The following LRRC39 variants were observed in gnomAD, a reference collection of about 807,000 sequenced individuals.
LRRC39 encodes leucine rich repeat containing 39.
Under a neutral mutation model 39.7 loss-of-function variants are expected in LRRC39, and 35 were observed. That is an observed-to-expected ratio of 0.88 (90% CI 0.67 to 1.17). LRRC39 has a LOEUF of 1.17. Ranked by LOEUF, LRRC39 falls within the 50% of genes most tolerant of loss-of-function variation. The pLI is 0.00. For missense variants in LRRC39, 357 were observed against 385.8 expected, an observed-to-expected ratio of 0.93 and a Z score of 0.62; for synonymous variants, 113 against 134.1, an observed-to-expected ratio of 0.84 and a Z score of 1.09.
intron 9 of LRRC39, chr1:100,150,530 A>G (rs192485148): frequency 6.6e-6 from 1 of 152,214 alleles, no homozygotes; most frequent in African/African-American, 2.4e-5. Context: ...AAATATACAT[A>G]CACACCCAAG....
intron 8 of LRRC39, among the ~76,000 whole-genome samples, chr1:100,154,370 G>A (rs897737830): frequency 6.6e-6 from 1 of 152,036 alleles, no homozygotes; most frequent in Non-Finnish European, 1.5e-5. Context: ...AAACAAGATA[G>A]AAAAATACAC....
At chr1:100,153,543 A>G (rs1187281213) in intron 8 of LRRC39, among the ~76,000 whole-genome samples, 1 of 152,230 alleles carries the variant, frequency 6.6e-6, no homozygotes, top group African/African-American at 2.4e-5. Context: ...TATGTAAATT[A>G]TACATCTGAC....
At chr1:100,152,619 C>T (rs1163900489) in intron 8 of LRRC39, 95 bp from the exon 9 acceptor site, 2 of 1,327,686 alleles carry the variant, frequency 1.5e-6, no homozygotes, top group Non-Finnish European at 2.1e-6. Flanking sequence ...TACTAAATTA[C>T]TCGTTTTTAA....
At chr1:100,177,419 C>T (rs1660038587) in intron 1 of LRRC39, among the ~76,000 whole-genome samples, 2 of 152,082 alleles carry the variant, frequency 1.3e-5, no homozygotes, top group African/African-American at 4.8e-5. Context: ...TTTAAAATTT[C>T]AAGATTGATA....
chr1:100,159,501 C>T (rs1658712404), intron 4 of LRRC39, 86 bp from the exon 5 acceptor site: 6 of 1,101,538 alleles, frequency 5.4e-6, no homozygotes, highest in Non-Finnish European at 7.3e-6. Context: ...TTGACTTATA[C>T]AAGCACTTTG....
chr1:100,179,610 A>G (rs1009197048), upstream of LRRC39, among the ~76,000 whole-genome samples: 9 of 150,730 alleles, frequency 6.0e-5, no homozygotes, highest in African/African-American at 2.2e-4. Flanking sequence ...AGTGGTGTGT[A>G]TATGTAGTCT....
At chr1:100,168,723 T>A (rs1446582651) in intron 2 of LRRC39, 129 bp from the exon 3 acceptor site, 13 of 449,764 alleles carry the variant, frequency 2.9e-5, no homozygotes, top group Non-Finnish European at 4.6e-5. Context: ...ACATGCCATA[T>A]CATATTTAAA....
intron 3 of LRRC39, among the ~76,000 whole-genome samples, chr1:100,166,398 C>T (rs567448532): frequency 2.3e-4 from 35 of 152,104 alleles, no homozygotes; most frequent in Non-Finnish European, 4.6e-4. Flanking sequence ...GAGACTTGTT[C>T]AATGGCTTTG....
At chr1:100,177,448 G>A (rs979852178) in intron 1 of LRRC39, among the ~76,000 whole-genome samples, 8 of 152,168 alleles carry the variant, frequency 5.3e-5, no homozygotes, top group Non-Finnish European at 1.0e-4. Context: ...GCATAGGCAG[G>A]AAATTGTTGA....
At chr1:100,150,861 C>T (rs1277946569) in intron 9 of LRRC39, among the ~76,000 whole-genome samples, 1 of 152,140 alleles carries the variant, frequency 6.6e-6, no homozygotes, top group East Asian at 1.9e-4. Context: ...GGTGTGGTGG[C>T]TTACACCTGT....
intron 2 of LRRC39, among the ~76,000 whole-genome samples, chr1:100,173,054 A>T (rs1659736036): frequency 6.6e-6 from 1 of 151,580 alleles, no homozygotes; most frequent in Non-Finnish European, 1.5e-5. Context: ...TCCAAAAAAA[A>T]TAAAAATAAA....
chr1:100,173,476 T>C (rs1453393518), intron 1 of LRRC39, 106 bp from the exon 2 acceptor site: 1 of 152,132 alleles, frequency 6.6e-6, no homozygotes, highest in Non-Finnish European at 1.5e-5. Context: ...AGAAGATAAT[T>C]TATTTAACCT....
intron 7 of LRRC39, among the ~76,000 whole-genome samples, chr1:100,155,669 T>C (rs1016035834): frequency 6.6e-6 from 1 of 152,210 alleles, no homozygotes; most frequent in African/African-American, 2.4e-5. Flanking sequence ...AATAAAATGA[T>C]GAATATGCCC....
rs187462520 is a variant in LRRC39 at position 100,174,943 on chromosome 1, T to C, written c.-118-1573A>G. ...GATCCCTCATGGCGTGGTGCTGTCCTTGAAACAGTGAGTTCTTGGGAGATC... is the reference window on the plus strand; with the variant it reads ...GATCCCTCATGGCGTGGTGCTGTCCCTGAAACAGTGAGTTCTTGGGAGATC... On this transcript the variant is annotated intron_variant, in intron 1 of 9. Transcript: ENST00000370137. Among the ~76,000 whole-genome samples the C allele has an allele frequency of 5.3e-3, 810 of 152,314 alleles. 11 individuals are homozygous for C. Among genetic ancestry groups the C allele is most frequent in the African/African-American group, 0.018 (759 of 41,566 alleles).
At chr1:100,156,361 T>C in intron 6 of LRRC39, 44 bp from the exon 7 acceptor site, 1 of 1,553,954 alleles carries the variant, frequency 6.4e-7, no homozygotes, top group Non-Finnish European at 8.8e-7. Context: ...GTCCACAATG[T>C]AAACTACTAA....
At chr1:100,165,535 AAACT>A (rs1659180999) in intron 3 of LRRC39, among the ~76,000 whole-genome samples, 1 of 152,152 alleles carries the variant, frequency 6.6e-6, no homozygotes, top group Non-Finnish European at 1.5e-5. Flanking sequence ...CACTTACTAA[AAACT>A]AAGTGGGAAA....
chr1:100,152,491 C>A lies in LRRC39; in HGVS notation c.846G>T (p.Leu282Phe), dbSNP rs1658123692. Residue 282 changes from leucine (L) to phenylalanine (F), a missense_variant, in exon 9 of 10, where the codon TTG becomes TTT. Coordinates refer to ENST00000370137, the MANE Select transcript of LRRC39 (RefSeq NM_144620.4). ...FVNFRDNPLK[L>F]KVSLPPSEGT... ...CTTCACTGGGAGGAAGTGATACTTT[C>A]AATTTCAGTGGGTTGTCTCTGAAGT... is the stretch of plus-strand genomic sequence containing the variant. The A allele has an allele frequency of 3.7e-6, 6 of 1,613,970 alleles. No homozygotes were observed. The highest frequency in any genetic ancestry group is 1.1e-5 in the South Asian group (1 of 91,062).
intron 4 of LRRC39, among the ~76,000 whole-genome samples, 191 bp from the exon 5 acceptor site, chr1:100,159,606 C>CTTTTTTT (rs10593200): frequency 2.7e-4 from 11 of 41,294 alleles, no homozygotes; most frequent in Admixed American, 7.9e-4. Flanking sequence ...TTTTCTTTTC[C>CTTTTTTT]TTTTTTTTTT....
Position 100,148,939 on chromosome 1 carries a change from G to T in LRRC39, c.*103C>A. On this transcript the variant is annotated 3_prime_UTR_variant, in exon 10 of 10. Coordinates refer to ENST00000370137, the MANE Select transcript of LRRC39 (RefSeq NM_144620.4). Reference sequence around the variant, plus strand: ...TAATATGAACTTTAAAAAATGCTGTGGCCTCATTAAACTTTGGTAATAGCT... The same window carrying T: ...TAATATGAACTTTAAAAAATGCTGTTGCCTCATTAAACTTTGGTAATAGCT... 1 of 1,184,822 alleles carries T rather than the reference G, an allele frequency of 8.4e-7. No homozygotes were observed. Among genetic ancestry groups the T allele is most frequent in the Non-Finnish European group, 1.1e-6 (1 of 880,698 alleles). The allele number at this position is 1,184,822 out of a possible 1,614,324, so 73.4% of individuals were successfully genotyped here.
Sources: allele counts gnomAD v4.1 joint callset (sites outside exome capture counted in the v4.1 genomes callset), GRCh38; gene constraint gnomAD v4.1.1; transcripts MANE v1.5; gene names NCBI Gene and HGNC (gene_info 2026-07-23, HGNC 2026-07-21).